MIA2: variants seen among roughly 807,000 people sequenced by gnomAD.
MIA2 encodes the protein MIA SH3 domain ER export factor 2, also known as melanoma inhibitory activity protein 2.
In MIA2, 127 loss-of-function variants were observed where a neutral mutation model predicts 167.8. The observed-to-expected ratio is 0.76, with a 90% CI of 0.66 to 0.88. The LOEUF (loss-of-function observed/expected upper bound fraction) is 0.88, where lower values mean the gene tolerates loss of function less well. Among genes scored for constraint, MIA2 ranks in the 40% least tolerant of loss-of-function variants. MIA2 has a pLI of 0.00. For missense variants in MIA2, 1,690 were observed against 1,624.7 expected (o/e 1.04, Z -0.69); for synonymous variants, 552 against 541.9 (o/e 1.02, Z -0.26).
chr14:39,295,948 T>C (rs541502452), intron 13 of MIA2, among the ~76,000 whole-genome samples: 2 of 152,328 alleles, frequency 1.3e-5, no homozygotes, highest in East Asian at 3.9e-4. Flanking sequence ...CCGGTTCATC[T>C]GTATGCTGTC....
intron 23 of MIA2, chr14:39,385,730 T>A: frequency 1.1e-6 from 1 of 919,558 alleles, no homozygotes. Flanking sequence ...TTCTTACGTG[T>A]CTCTACCGGA....
At chr14:39,342,959 A>G (rs1372243946) in intron 25 of MIA2, among the ~76,000 whole-genome samples, 3 of 152,060 alleles carry the variant, frequency 2.0e-5, no homozygotes, top group Non-Finnish European at 2.9e-5. Context: ...GTGGTATGGT[A>G]TTTCAGTGTA....
chr14:39,247,678 T>C lies in MIA2; in HGVS notation c.1104T>C (p.Asn368=). The C allele has an allele frequency of 2.5e-6, 4 of 1,612,028 alleles. No individual in the cohort carries two copies. The highest frequency in any genetic ancestry group is 3.4e-6 in the Non-Finnish European group (4 of 1,179,474). ...ILTEKKDTIT[N]DSLSLKPSWF... ...CAGAAAAAAAAGACACAATCACTAA[T>C]GATAGCTTGAGTCTCAAGCCAAGTT... The change falls in exon 4 of 29, where the codon AAT becomes AAC. Residue 368 remains asparagine (N), a synonymous_variant. Transcript: ENST00000640607.
intron 23 of MIA2, among the ~76,000 whole-genome samples, chr14:39,362,392 C>T (rs1047825980): frequency 1.1e-4 from 17 of 152,032 alleles, no homozygotes; most frequent in Admixed American, 9.8e-4. Context: ...CAGGTTTTTG[C>T]TTTCTTTCTC....
At chr14:39,300,973 C>CATATAT (rs1179434644) in intron 14 of MIA2, among the ~76,000 whole-genome samples, 3 of 144,544 alleles carry the variant, frequency 2.1e-5, no homozygotes, top group African/African-American at 7.8e-5. Flanking sequence ...CACATATATA[C>CATATAT]ACATATATAC....
intron 25 of MIA2, among the ~76,000 whole-genome samples, chr14:39,335,359 A>T (rs2070113097): frequency 6.6e-6 from 1 of 152,200 alleles, no homozygotes; most frequent in Non-Finnish European, 1.5e-5. Flanking sequence ...ATAATTTATA[A>T]AATGTATATA....
chr14:39,289,549 C>T (rs141464983), intron 9 of MIA2, among the ~76,000 whole-genome samples: 131 of 152,298 alleles, frequency 8.6e-4, no homozygotes, highest in African/African-American at 3.0e-3. Context: ...CATTAATTTC[C>T]TTTTGCTGCT....
Position 39,252,883 on chromosome 14 carries a change from G to A in MIA2, c.1703G>A (p.Arg568Lys). Reference protein sequence around the residue: ...TEGPALVEIDRSVENTLLNSQ... With the variant: ...TEGPALVEIDKSVENTLLNSQ... ...GGGCCTGCTCTGGTGGAGATAGACA[G>A]ATCTGTGGAAAATACCCTGCTAAAT... The change falls in exon 5 of 29, where the codon AGA becomes AAA. Residue 568 changes from arginine to lysine, a missense_variant. Coordinates refer to ENST00000640607, the MANE Select transcript of MIA2 (RefSeq NM_001329214.4). 6.2e-7 allele frequency: 1 copy of A among 1,614,000 alleles called. No homozygotes were observed. Among genetic ancestry groups the A allele is most frequent in the Non-Finnish European group, 8.5e-7 (1 of 1,179,966 alleles).
intron 13 of MIA2, among the ~76,000 whole-genome samples, chr14:39,297,408 A>G (rs11624839): frequency 0.27 from 41,190 of 151,980 alleles, 5,775 homozygotes; most frequent in East Asian, 0.5. Flanking sequence ...GGGTATTTCT[A>G]ATTGGAGGAT....
At chr14:39,266,778 A>G in intron 6 of MIA2, 4 of 974,940 alleles carry the variant, frequency 4.1e-6, no homozygotes, top group Non-Finnish European at 2.4e-6. Context: ...AGCAGGCTCC[A>G]GCGAGGCTGC....
chr14:39,345,699 G>A (rs1229430738), intron 25 of MIA2, among the ~76,000 whole-genome samples: 1 of 152,060 alleles, frequency 6.6e-6, no homozygotes, highest in African/African-American at 2.4e-5. Context: ...ATCCAAAGTA[G>A]CAGATTATGC....
intron 25 of MIA2, among the ~76,000 whole-genome samples, chr14:39,337,714 A>G (rs556899881): frequency 6.6e-6 from 1 of 152,184 alleles, no homozygotes; most frequent in South Asian, 2.1e-4. Flanking sequence ...TATTCCATGT[A>G]TATAACATTC....
intron 25 of MIA2, among the ~76,000 whole-genome samples, chr14:39,344,994 C>T: frequency 6.6e-6 from 1 of 152,166 alleles, no homozygotes; most frequent in Non-Finnish European, 1.5e-5. Context: ...TGTGTCTCTC[C>T]AGATGTTCTT....
At chr14:39,280,936 T>G (rs1466334500) in intron 9 of MIA2, among the ~76,000 whole-genome samples, 1 of 40,402 alleles carries the variant, frequency 2.5e-5, no homozygotes, top group Admixed American at 2.4e-4. Context: ...TTTTTTTTTT[T>G]GAGACAGCGT....
At chr14:39,353,724 C>A (rs1226385671), downstream of MIA2, among the ~76,000 whole-genome samples, 1 of 152,148 alleles carries the variant, frequency 6.6e-6, no homozygotes, top group African/African-American at 2.4e-5. Context: ...CTCCCCTGAC[C>A]CTATAACAGG....
At chr14:39,343,965 A>G (rs565862738) in intron 25 of MIA2, among the ~76,000 whole-genome samples, 19 of 152,348 alleles carry the variant, frequency 1.2e-4, no homozygotes, top group African/African-American at 4.3e-4. Context: ...AGAAATAGAT[A>G]GTCTACCTCT....
At chr14:39,356,427 G>C (rs553423196) in intron 23 of MIA2, among the ~76,000 whole-genome samples, 1 of 151,852 alleles carries the variant, frequency 6.6e-6, no homozygotes, top group African/African-American at 2.4e-5. Flanking sequence ...TATTGTGTCC[G>C]TTTGATTCTT....
intron 9 of MIA2, among the ~76,000 whole-genome samples, chr14:39,281,608 GTTTT>G (rs2058950943): frequency 7.1e-6 from 1 of 141,398 alleles, no homozygotes; most frequent in African/African-American, 2.7e-5. Flanking sequence ...TTTTTGTTTT[GTTTT>G]GTTTTGGTTT....
At chr14:39,347,637 A>C (rs750923917) in intron 26 of MIA2, 76 bp from the exon 27 acceptor site, 8 of 1,489,608 alleles carry the variant, frequency 5.4e-6, no homozygotes, top group Non-Finnish European at 6.5e-6. Flanking sequence ...GGAAAATACC[A>C]ATTTTGTGAT....
Sources: allele counts gnomAD v4.1 joint callset (sites outside exome capture counted in the v4.1 genomes callset), GRCh38; gene constraint gnomAD v4.1.1; transcripts MANE v1.5; gene names NCBI Gene and HGNC (gene_info 2026-07-23, HGNC 2026-07-21).